DCAF16: variants seen among roughly 807,000 people sequenced by gnomAD.
The protein encoded by DCAF16 is DDB1 and CUL4 associated factor 16.
DCAF16 carries 10 observed loss-of-function variants against 17.3 expected under a neutral mutation model. That is an observed-to-expected ratio of 0.58 (90% confidence interval 0.36 to 0.98). The LOEUF is 0.98. Among genes scored for constraint, DCAF16 ranks in the 50% least tolerant of loss-of-function variants. The probability of loss-of-function intolerance (pLI) is 0.01; values close to 1 mark genes in which losing one functional copy is unlikely to be tolerated. For missense variants in DCAF16, 249 were observed against 247.6 expected, an observed-to-expected ratio of 1.01 and a Z score of -0.04; for synonymous variants, 111 against 92.8, an observed-to-expected ratio of 1.20 and a Z score of -1.12.
At chr4:17,795,222 T>G in the DCAF16 span, among the ~76,000 whole-genome samples, 2 of 152,238 alleles carry the variant, frequency 1.3e-5, no homozygotes, top group African/African-American at 4.8e-5. Context: ...CATCCAGTGT[T>G]GCTACCAAGA....
rs917386823 is a variant in DCAF16, at chr4:17,803,136, T to C, written c.*355A>G. 2.0e-5 allele frequency: 4 copies of C among 200,094 alleles called. No homozygotes were observed. The Admixed American group carries it at 2.1e-4, about 11-fold the overall frequency. The allele number at this position is 200,094 out of a possible 1,614,324, so 12.4% of individuals were successfully genotyped here. On this transcript the variant is annotated 3_prime_UTR_variant, in exon 3 of 3. Coordinates refer to ENST00000382247, the MANE Select transcript of DCAF16 (RefSeq NM_017741.4). ...GTCTCCTGGGTTCAAGTGATTCTCC[T>C]GTTTCAGCCTCCCGAGTAGCAGGGA...
rs771148926 is a variant in DCAF16 at position 17,803,908 on chromosome 4, A to C, written c.234T>G (p.Ala78=). Residue 78 remains alanine (A), a synonymous_variant, in exon 3 of 3, where the codon GCT becomes GCG. Transcript: ENST00000382247. ...PLNPNSWLYH[A]KLLDPSTPVH... ...CTGGTGTGCTTGGATCCAACAGTTT[A>C]GCATGATACAACCAGGAATTAGGAT... 38 of 1,614,098 alleles carry C rather than the reference A, an allele frequency of 2.4e-5. No individual in the cohort carries two copies. The highest frequency in any genetic ancestry group is 3.2e-5 in the Non-Finnish European group (38 of 1,180,048).
Position 17,804,248 on chromosome 4 carries a change from G to T in DCAF16, c.-107C>A, listed in dbSNP as rs1302470587. On this transcript the variant is annotated 5_prime_UTR_variant, in exon 3 of 3. Coordinates refer to ENST00000382247, the MANE Select transcript of DCAF16 (RefSeq NM_017741.4). The stretch of plus-strand genomic sequence containing the variant: ...AAGAGATGAAAAATCCTTTCACCAA[G>T]ATTAATTTGTCTTTCAGTCCGTTAC... 12 of 963,088 alleles carry T rather than the reference G, an allele frequency of 1.2e-5. No individual in the cohort carries two copies. Among genetic ancestry groups the T allele is most frequent in the Middle Eastern group, 2.2e-4 (1 of 4,574 alleles). 59.7% of individuals were successfully genotyped at this position (963,088 alleles called of 1,614,324 possible). A position where few individuals can be genotyped will look rare whatever the true frequency, so the allele number is the denominator to read the frequency against.
intron 1 of DCAF16, among the ~76,000 whole-genome samples, chr4:17,807,355 GA>G (rs1720420384): frequency 6.6e-6 from 1 of 152,186 alleles, no homozygotes; most frequent in African/African-American, 2.4e-5. Flanking sequence ...CCAAATTATA[GA>G]AGAGAAAATC....
At position 17,802,566 on chromosome 4, in the gene DCAF16, T is replaced by C. The variant is rs1719890152; in HGVS notation, c.*925A>G. On this transcript the variant is annotated 3_prime_UTR_variant, in exon 3 of 3. Coordinates refer to ENST00000382247, the MANE Select transcript of DCAF16 (RefSeq NM_017741.4). The stretch of plus-strand genomic sequence containing the variant: ...AGAGTGTCATATGCAGGCACATCTA[T>C]ATAAAAGCTGGGAAAGAAATTCATA... 2 of 150,832 alleles carry C rather than the reference T, an allele frequency of 1.3e-5. No homozygotes were observed. The highest frequency in any genetic ancestry group is 4.2e-4 in the South Asian group (2 of 4,816). The allele number at this position is 150,832 out of a possible 1,614,324, so 9.3% of individuals were successfully genotyped here.
chr4:17,808,335 T>C (rs1181046272), intron 1 of DCAF16, among the ~76,000 whole-genome samples: 3 of 152,236 alleles, frequency 2.0e-5, no homozygotes, highest in Non-Finnish European at 4.4e-5. Flanking sequence ...CTAATATTTT[T>C]ACTATTTTCA....
chr4:17,804,321 A>G lies in DCAF16; in HGVS notation c.-180T>C, dbSNP rs925448599. On this transcript the variant is annotated 5_prime_UTR_variant, in exon 3 of 3. Transcript: ENST00000382247. ...CCATACCACTGTGCCGTTCTTCAAG[A>G]TTATGTTGTATATTCTTCACTTACA... The G allele has an allele frequency of 2.9e-5, 18 of 618,290 alleles. No homozygotes were observed. The African/African-American group carries it at 3.3e-4, about 11-fold the overall frequency. 38.3% of individuals were successfully genotyped at this position (618,290 alleles called of 1,614,324 possible).
chr4:17,799,666 CT>C (rs11462299), downstream of DCAF16, among the ~76,000 whole-genome samples: 13 of 151,598 alleles, frequency 8.6e-5, no homozygotes, highest in African/African-American at 2.4e-4. Context: ...TCATCAGAGA[CT>C]TTTTTTTTAA....
downstream of DCAF16, among the ~76,000 whole-genome samples, chr4:17,797,202 A>C (rs983372941): frequency 6.6e-6 from 1 of 152,218 alleles, no homozygotes; most frequent in Non-Finnish European, 1.5e-5. Flanking sequence ...GGGAACAACT[A>C]CATAGACTAA....
At chr4:17,798,589 G>T, downstream of DCAF16, among the ~76,000 whole-genome samples, 1 of 151,366 alleles carries the variant, frequency 6.6e-6, no homozygotes, top group Non-Finnish European at 1.5e-5. Context: ...GCGAAACCCT[G>T]TGTCAAAAAA....
Position 17,802,338 on chromosome 4 carries a change from C to G in DCAF16, c.*1153G>C, listed in dbSNP as rs1413539638. The G allele has an allele frequency of 6.6e-6, 1 of 152,460 alleles. No individual in the cohort carries two copies. Among genetic ancestry groups the G allele is most frequent in the African/African-American group, 2.4e-5 (1 of 41,420 alleles). 9.4% of individuals were successfully genotyped at this position (152,460 alleles called of 1,614,324 possible). ...TTCAGGAAACACATTCCCTACAGAA[C>G]AGGTGTTTGTTTAATCCCAAGGGAT... On this transcript the variant is annotated 3_prime_UTR_variant, in exon 3 of 3. Transcript: ENST00000382247.
downstream of DCAF16, among the ~76,000 whole-genome samples, chr4:17,796,997 C>G (rs1719459652): frequency 2.6e-5 from 4 of 152,118 alleles, no homozygotes; most frequent in African/African-American, 7.2e-5. Context: ...GGCGGTTGCT[C>G]TGGTGCCCAT....
intron 1 of DCAF16, among the ~76,000 whole-genome samples, chr4:17,808,648 G>A (rs1233993079): frequency 6.6e-6 from 1 of 152,040 alleles, no homozygotes; most frequent in East Asian, 1.9e-4. Context: ...TAGTTAGGCT[G>A]ACCTCTGGCG....
In DCAF16 at chr4:17,803,814, T is replaced by C; in HGVS notation, c.328A>G (p.Ile110Val). 1 of 1,614,152 alleles carries C rather than the reference T, an allele frequency of 6.2e-7. No individual in the cohort carries two copies. Among genetic ancestry groups the C allele is most frequent in the Non-Finnish European group, 8.5e-7 (1 of 1,180,026 alleles). Residue 110 changes from isoleucine to valine, a missense_variant, in exon 3 of 3, where the codon ATT (isoleucine) becomes GTT (valine). Transcript: ENST00000382247. ...GAGGCCAGAGGGGGCCATTCAGGAA[T>C]TGGTTCCAGTTTGGGGACACAATGG... ...CSHCVPKLEP[I>V]PEWPPLASCG...
Position 17,809,249 on chromosome 4 carries a change from G to A in DCAF16, c.-750+1198C>T, listed in dbSNP as rs74706622. 4.0e-3 allele frequency among the ~76,000 whole-genome samples: 604 copies of A among 152,246 alleles called. 13 individuals carry two copies. The East Asian group carries it at 0.063, about 16-fold the overall frequency. On this transcript the variant is annotated intron_variant, in intron 1 of 2. Coordinates refer to ENST00000382247, the MANE Select transcript of DCAF16 (RefSeq NM_017741.4). ...AAAAGAAGATCAAAGTTATCCTACA[G>A]GGTTTGTGAGCAGTAAACGAAGTAA...
intron 1 of DCAF16, among the ~76,000 whole-genome samples, chr4:17,806,990 T>C (rs993794801): frequency 6.6e-6 from 1 of 151,890 alleles, no homozygotes; most frequent in African/African-American, 2.4e-5. Context: ...TAAAACTGTA[T>C]TGGAATAAGA....
chr4:17,804,539 T>G lies in DCAF16; in HGVS notation c.-398A>C. 1 of 197,910 alleles carries G rather than the reference T, an allele frequency of 5.1e-6. No individual in the cohort carries two copies. Among genetic ancestry groups the G allele is most frequent in the Non-Finnish European group, 1.2e-5 (1 of 86,750 alleles). 12.3% of individuals were successfully genotyped at this position (197,910 alleles called of 1,614,324 possible). A position where few individuals can be genotyped will look rare whatever the true frequency, so the allele number is the denominator to read the frequency against. On this transcript the variant is annotated 5_prime_UTR_variant, in exon 3 of 3. Transcript: ENST00000382247. Reference sequence around the variant, plus strand: ...TGTGAAGAGACACTTTTTGTGCTGTTTTGCTGGCAGTGATATTATATCTAC... The same window carrying G: ...TGTGAAGAGACACTTTTTGTGCTGTGTTGCTGGCAGTGATATTATATCTAC...
chr4:17,797,969 C>T (rs1477335027), downstream of DCAF16, among the ~76,000 whole-genome samples: 1 of 152,154 alleles, frequency 6.6e-6, no homozygotes, highest in Non-Finnish European at 1.5e-5. Flanking sequence ...AGTACCAGCT[C>T]CTTATTTTGC....
At chr4:17,810,196 C>T (rs1315033132) in intron 1 of DCAF16, among the ~76,000 whole-genome samples, 1 of 152,186 alleles carries the variant, frequency 6.6e-6, no homozygotes, top group East Asian at 1.9e-4. Context: ...CTAGTTCCTA[C>T]TCTTCTTTAT....
Sources: allele counts gnomAD v4.1 joint callset (sites outside exome capture counted in the v4.1 genomes callset), GRCh38; gene constraint gnomAD v4.1.1; transcripts MANE v1.5; gene names NCBI Gene and HGNC (gene_info 2026-07-23, HGNC 2026-07-21).